ANKS1B: variants seen among roughly 807,000 people sequenced by gnomAD.
ANKS1B encodes ankyrin repeat and sterile alpha motif domain-containing protein 1B.
A neutral mutation model predicts 148.3 loss-of-function variants in ANKS1B; 36 were observed. That is an observed-to-expected ratio of 0.24 (90% CI 0.19 to 0.32). The LOEUF (loss-of-function observed/expected upper bound fraction) is 0.32. Ranked by LOEUF, ANKS1B falls within the 10% of genes least tolerant of loss-of-function variation. ANKS1B has a pLI of 1.00. For synonymous variants in ANKS1B, 542 were observed against 560.8 expected (o/e 0.97, Z 0.47); for missense variants, 1,157 against 1,542.6 (o/e 0.75, Z 4.19).
intron 26 of ANKS1B, among the ~76,000 whole-genome samples, chr12:98,748,364 G>A (rs547556360): frequency 3.3e-5 from 5 of 152,256 alleles, no homozygotes; most frequent in African/African-American, 4.8e-5. Context: ...GTCCCTGTGC[G>A]TACAAATACA....
Position 99,715,061 on chromosome 12 carries a change from G to A in ANKS1B, c.1128+57861C>T, listed in dbSNP as rs767826674. Among the ~76,000 whole-genome samples, 170 of 152,002 alleles carry A rather than the reference G, an allele frequency of 1.1e-3. 2 individuals are homozygous for A. Among genetic ancestry groups the A allele is most frequent in the Middle Eastern group, 3.4e-3 (1 of 294 alleles). On this transcript the variant is annotated intron_variant, in intron 8 of 26. Transcript: ENST00000683438. ...GGAGAATAGCTTGAACCTGGGAGGCGGGGGTTGCAATAAGCAGAGATTGCA... is the reference window on the plus strand; with the variant it reads ...GGAGAATAGCTTGAACCTGGGAGGCAGGGGTTGCAATAAGCAGAGATTGCA...
intron 15 of ANKS1B, among the ~76,000 whole-genome samples, chr12:99,146,740 T>G (rs1318337763): frequency 6.6e-6 from 1 of 152,098 alleles, no homozygotes; most frequent in Non-Finnish European, 1.5e-5. Flanking sequence ...CTTTCTTTTC[T>G]TCCTGTCCTT....
chr12:99,634,872 T>C (rs1211385550), intron 9 of ANKS1B, among the ~76,000 whole-genome samples: 1 of 152,120 alleles, frequency 6.6e-6, no homozygotes, highest in Non-Finnish European at 1.5e-5. Flanking sequence ...AAATCACGTA[T>C]ATAAAGTGAT....
At chr12:98,926,043 A>G (rs7975323) in intron 17 of ANKS1B, among the ~76,000 whole-genome samples, 11,245 of 152,208 alleles carry the variant, frequency 0.074, 431 homozygotes, top group African/African-American at 0.094. Flanking sequence ...CTAGAAGGCC[A>G]TGCACATATA....
At chr12:99,490,800 A>C (rs1031225112) in intron 10 of ANKS1B, among the ~76,000 whole-genome samples, 3 of 152,258 alleles carry the variant, frequency 2.0e-5, no homozygotes, top group African/African-American at 7.2e-5. Context: ...AGTAGTCTTC[A>C]TATAATACTA....
intron 11 of ANKS1B, among the ~76,000 whole-genome samples, chr12:99,418,551 T>C (rs56300419): frequency 0.16 from 24,540 of 152,098 alleles, 2,279 homozygotes; most frequent in African/African-American, 0.26. Context: ...TTTTTTAGCT[T>C]GCTTCGGATT....
chr12:98,952,869 T>G (rs1258383708), intron 17 of ANKS1B, among the ~76,000 whole-genome samples: 1 of 152,166 alleles, frequency 6.6e-6, no homozygotes, highest in Admixed American at 6.6e-5. Flanking sequence ...CTTCCTTTAT[T>G]TTTTTAAGAG....
rs924284836 is a variant in ANKS1B at position 99,399,549 on chromosome 12, G to A, written c.1756+82C>T. On this transcript the variant is annotated intron_variant, in intron 12 of 26. Transcript: ENST00000683438. The stretch of plus-strand genomic sequence containing the variant: ...ACTAAAAACACAATGCAATTTGTAC[G>A]AAGACTCCTCCTAATTCCTCTAACT... 9 of 1,445,572 alleles carry A rather than the reference G, an allele frequency of 6.2e-6. No individual in the cohort carries two copies. In the East Asian group the frequency reaches 9.2e-5, roughly 15 times the overall value. The allele number at this position is 1,445,572 out of a possible 1,614,324, so 89.5% of individuals were successfully genotyped here.
intron 17 of ANKS1B, among the ~76,000 whole-genome samples, chr12:99,005,213 C>T (rs1433434299): frequency 1.3e-5 from 2 of 152,194 alleles, no homozygotes; most frequent in Admixed American, 6.5e-5. Context: ...AATGCGGGAG[C>T]GTAGCTGTGA....
chr12:99,581,311 A>C (rs2097567349), intron 9 of ANKS1B, among the ~76,000 whole-genome samples: 1 of 152,214 alleles, frequency 6.6e-6, no homozygotes, highest in African/African-American at 2.4e-5. Context: ...ATAGGAAAAT[A>C]ATGAAATTTT....
chr12:99,093,723 A>T (rs1376417207), intron 15 of ANKS1B: 1 of 152,090 alleles, frequency 6.6e-6, no homozygotes, highest in Non-Finnish European at 1.5e-5. Flanking sequence ...CAAAAAGGAG[A>T]TTCGTTAATT....
intron 17 of ANKS1B, chr12:98,894,800 G>A: frequency 2.0e-6 from 2 of 984,578 alleles, no homozygotes; most frequent in Non-Finnish European, 2.4e-6. Context: ...AGCGCGCCGA[G>A]GAAGGGCGGG....
intron 17 of ANKS1B, among the ~76,000 whole-genome samples, chr12:98,965,241 A>T (rs1330837621): frequency 6.6e-6 from 1 of 152,208 alleles, no homozygotes; most frequent in Non-Finnish European, 1.5e-5. Flanking sequence ...CATTCTCATG[A>T]TTGCCTAGGT....
intron 17 of ANKS1B, among the ~76,000 whole-genome samples, chr12:98,968,632 T>G (rs758991274): frequency 1.3e-5 from 2 of 152,138 alleles, no homozygotes. Flanking sequence ...CCTTCACCTT[T>G]CTCTCTCCTA....
intron 9 of ANKS1B, among the ~76,000 whole-genome samples, chr12:99,626,670 C>G (rs1251775987): frequency 6.6e-6 from 1 of 152,184 alleles, no homozygotes; most frequent in Non-Finnish European, 1.5e-5. Context: ...GGTCAAGCTG[C>G]TAGCCATGAG....
intron 16 of ANKS1B, among the ~76,000 whole-genome samples, chr12:99,058,085 G>A (rs903687549): frequency 3.9e-5 from 6 of 151,980 alleles, no homozygotes; most frequent in Non-Finnish European, 8.8e-5. Context: ...TTATGCCTGT[G>A]GAATATAAAT....
chr12:99,552,126 GT>G (rs77998805), intron 9 of ANKS1B, among the ~76,000 whole-genome samples: 18,206 of 151,984 alleles, frequency 0.12, 1,750 homozygotes, highest in East Asian at 0.29. Context: ...GTAGGACTCA[GT>G]TTTTTTTATC....
intron 9 of ANKS1B, among the ~76,000 whole-genome samples, chr12:99,555,681 A>G (rs996890938): frequency 2.6e-5 from 4 of 152,194 alleles, no homozygotes; most frequent in Admixed American, 2.6e-4. Flanking sequence ...CCTTTTCTAC[A>G]TCTATTGAGA....
At chr12:99,648,287 C>G in intron 9 of ANKS1B, 2 of 1,614,168 alleles carry the variant, frequency 1.2e-6, no homozygotes, top group Non-Finnish European at 1.7e-6. Context: ...GGCGAGTATA[C>G]TATATTCAGG....
Sources: gnomAD v4.1 joint callset for allele counts (sites outside exome capture counted in the v4.1 genomes callset) on GRCh38, gnomAD v4.1.1 for gene constraint, MANE v1.5 for transcripts, NCBI Gene and HGNC (gene_info 2026-07-23, HGNC 2026-07-21) for gene names.